SSPN: variants seen among roughly 807,000 people sequenced by gnomAD.
The protein encoded by SSPN is sarcospan, also known as K-ras oncogene-associated protein.
In SSPN, 15 loss-of-function variants were observed where a neutral mutation model predicts 19.1. The ratio of observed to expected loss-of-function variants is 0.78; its 90% CI spans 0.52 to 1.21. The LOEUF (loss-of-function observed/expected upper bound fraction) is 1.21. SSPN is among the 50% of genes most tolerant of loss of function. SSPN has a pLI of 0.00. For synonymous variants in SSPN, 147 were observed against 140.3 expected (o/e 1.05, Z -0.34); for missense variants, 291 against 314.0 (o/e 0.93, Z 0.55).
At chr12:26,190,371 C>G (rs950794095), upstream of SSPN, among the ~76,000 whole-genome samples, 1 of 152,198 alleles carries the variant, frequency 6.6e-6, no homozygotes, top group African/African-American at 2.4e-5. Flanking sequence ...GATAGGCCAT[C>G]TGGAAAGGAA....
rs553813135 is a variant in SSPN, at chr12:26,188,719, A to T, written c.-30-35574A>T. 6.6e-5 allele frequency among the ~76,000 whole-genome samples: 10 copies of T among 152,368 alleles called. No homozygotes were observed. The South Asian group carries it at 1.9e-3, about 28-fold the overall frequency. Reference sequence around the variant, plus strand: ...GGATTTATAAATATTTATTAAAGCCATATTATAACCTTTGCACTGTGCTAG... The same window carrying T: ...GGATTTATAAATATTTATTAAAGCCTTATTATAACCTTTGCACTGTGCTAG... On this transcript the variant is annotated intron_variant, in intron 1 of 2. Transcript: ENST00000538142.
chr12:26,139,827 G>A (rs766743891), intron 1 of SSPN, among the ~76,000 whole-genome samples: 3 of 152,018 alleles, frequency 2.0e-5, no homozygotes, highest in East Asian at 1.9e-4. Context: ...AACTTAATTC[G>A]TCATAGTGTG....
intron 1 of SSPN, among the ~76,000 whole-genome samples, chr12:26,210,859 T>C (rs1177230025): frequency 1.3e-5 from 2 of 152,192 alleles, no homozygotes; most frequent in African/African-American, 2.4e-5. Context: ...TAGAAATTTA[T>C]TTTGGATCAA....
At chr12:26,140,557 G>A (rs554054432) in intron 1 of SSPN, among the ~76,000 whole-genome samples, 4 of 152,294 alleles carry the variant, frequency 2.6e-5, no homozygotes, top group Middle Eastern at 3.4e-3. Context: ...AAAAGGGGCC[G>A]CGGGGGAAGT....
chr12:26,173,773 C>T (rs1479816514), intron 1 of SSPN, among the ~76,000 whole-genome samples: 2 of 152,182 alleles, frequency 1.3e-5, no homozygotes, highest in African/African-American at 4.8e-5. Flanking sequence ...GAAAGTAAAT[C>T]TCTATGCATT....
At chr12:26,170,277 A>T (rs1364588004) in intron 1 of SSPN, among the ~76,000 whole-genome samples, 1 of 152,216 alleles carries the variant, frequency 6.6e-6, no homozygotes, top group Non-Finnish European at 1.5e-5. Flanking sequence ...TAAAATTAGG[A>T]ATTAAATGAG....
At chr12:26,128,834 G>C (rs546105493) in intron 1 of SSPN, among the ~76,000 whole-genome samples, 1 of 152,034 alleles carries the variant, frequency 6.6e-6, no homozygotes, top group East Asian at 1.9e-4. Context: ...GCTTTTCTTT[G>C]GTTAAGTAAG....
Position 26,124,511 on chromosome 12 carries a change from A to C in SSPN, c.-31+2359A>C. The C allele has an allele frequency of 2.5e-6, 4 of 1,613,662 alleles. No homozygotes were observed. The South Asian group carries it at 4.4e-5, about 18-fold the overall frequency. ...AGGTTATGAGGAATATCGGGAACTT[A>C]CACTTACCTTGGTGTCGTCTCGTTT... On this transcript the variant is annotated intron_variant, in intron 1 of 2. Coordinates refer to the SSPN transcript ENST00000538142.
chr12:26,169,864 T>G (rs1268545898), intron 1 of SSPN, among the ~76,000 whole-genome samples: 1 of 152,224 alleles, frequency 6.6e-6, no homozygotes, highest in African/African-American at 2.4e-5. Context: ...ATTGGACTCA[T>G]GCCTTCCTTT....
upstream of SSPN, among the ~76,000 whole-genome samples, chr12:26,190,917 C>T (rs927405405): frequency 1.3e-5 from 2 of 152,190 alleles, no homozygotes; most frequent in African/African-American, 2.4e-5. Flanking sequence ...CCTTTCGAGA[C>T]AATTCTCTCA....
Position 26,231,292 on chromosome 12 carries a change from A to C in SSPN, c.*216A>C. 1 of 662,178 alleles carries C rather than the reference A, an allele frequency of 1.5e-6. No homozygotes were observed. Among genetic ancestry groups the C allele is most frequent in the Non-Finnish European group, 2.3e-6 (1 of 436,602 alleles). 41.0% of individuals were successfully genotyped at this position (662,178 alleles called of 1,614,324 possible). The stretch of plus-strand genomic sequence containing the variant: ...TGCAGAGAAAGCAAGATCCAAATTG[A>C]TTTTGGGATATTAAAAGTTAACAGA... On this transcript the variant is annotated 3_prime_UTR_variant, in exon 3 of 3. Transcript: ENST00000242729.
chr12:26,225,050 T>A (rs1185457827), intron 2 of SSPN, among the ~76,000 whole-genome samples: 1 of 152,106 alleles, frequency 6.6e-6, no homozygotes, highest in Admixed American at 6.5e-5. Flanking sequence ...CAATCAGAGC[T>A]AGTAGAAAGC....
At chr12:26,146,969 T>C (rs1944495784) in intron 1 of SSPN, among the ~76,000 whole-genome samples, 1 of 152,172 alleles carries the variant, frequency 6.6e-6, no homozygotes, top group Non-Finnish European at 1.5e-5. Flanking sequence ...GAATAAAGCT[T>C]CAATGTGCAG....
At chr12:26,135,489 C>A (rs901873055) in intron 1 of SSPN, among the ~76,000 whole-genome samples, 1 of 152,074 alleles carries the variant, frequency 6.6e-6, no homozygotes, top group African/African-American at 2.4e-5. Context: ...ATGCAGGAGG[C>A]AGGAACCAGG....
At chr12:26,218,402 T>C (rs1487547969) in intron 1 of SSPN, among the ~76,000 whole-genome samples, 59 of 97,520 alleles carry the variant, frequency 6.1e-4, no homozygotes, top group African/African-American at 8.5e-4. Flanking sequence ...GACGAGTTAG[T>C]GGGTGCAGCG....
At chr12:26,124,970 GCA>G (rs893391276) in intron 1 of SSPN, 6 of 634,096 alleles carry the variant, frequency 9.5e-6, no homozygotes, top group African/African-American at 7.2e-5. Context: ...ACACACACAC[GCA>G]CACACACGCA....
intron 1 of SSPN, among the ~76,000 whole-genome samples, chr12:26,177,350 C>G (rs1317830402): frequency 6.6e-6 from 1 of 152,176 alleles, no homozygotes; most frequent in Non-Finnish European, 1.5e-5. Flanking sequence ...CTACATGGCT[C>G]TAGACACTCA....
chr12:26,122,847 C>G (rs1240463456), intron 1 of SSPN: 2 of 1,574,502 alleles, frequency 1.3e-6, no homozygotes, highest in Non-Finnish European at 1.7e-6. Context: ...GGGCTGAGTC[C>G]GCTGGATGAC....
chr12:26,187,808 G>A (rs921700599), intron 1 of SSPN, among the ~76,000 whole-genome samples: 1 of 152,214 alleles, frequency 6.6e-6, no homozygotes, highest in African/African-American at 2.4e-5. Flanking sequence ...ATATTGTGAA[G>A]CAAAGCACTA....
Sources: gnomAD v4.1 joint callset for allele counts (sites outside exome capture counted in the v4.1 genomes callset) on GRCh38, gnomAD v4.1.1 for gene constraint, MANE v1.5 for transcripts, NCBI Gene and HGNC (gene_info 2026-07-23, HGNC 2026-07-21) for gene names.